Variants in GRM7 observed in about 807,000 individuals in gnomAD.
GRM7 encodes glutamate metabotropic receptor 7, also known as metabotropic glutamate receptor 7.
In GRM7, 35 loss-of-function variants were observed where a neutral mutation model predicts 84.5. The observed-to-expected ratio is 0.41, with a 90% CI of 0.32 to 0.55. GRM7 has a LOEUF of 0.55. GRM7 is among the 20% of genes least tolerant of loss of function. GRM7 has a pLI of 0.19. For missense variants in GRM7, 1,003 were observed against 1,194.6 expected (o/e 0.84, Z 2.36); for synonymous variants, 487 against 455.1 (o/e 1.07, Z -0.89).
At chr3:7,170,338 G>A (rs1001388218) in intron 2 of GRM7, among the ~76,000 whole-genome samples, 4 of 152,178 alleles carry the variant, frequency 2.6e-5, no homozygotes, top group Admixed American at 1.3e-4. Flanking sequence ...GTGGCCTGAT[G>A]ACTAAAGGGC....
At chr3:7,291,818 C>T (rs141606974) in intron 2 of GRM7, among the ~76,000 whole-genome samples, 4 of 152,226 alleles carry the variant, frequency 2.6e-5, no homozygotes, top group Non-Finnish European at 5.9e-5. Flanking sequence ...TGTGTTCCCA[C>T]CCAAATCTCC....
intron 7 of GRM7, among the ~76,000 whole-genome samples, chr3:7,529,833 T>G (rs1700958678): frequency 6.6e-6 from 1 of 151,700 alleles, no homozygotes; most frequent in South Asian, 2.1e-4. Flanking sequence ...CTCAAAAGAC[T>G]CAACCTGGGG....
intron 4 of GRM7, among the ~76,000 whole-genome samples, chr3:7,333,130 GC>G (rs1338570875): frequency 6.6e-6 from 1 of 152,088 alleles, no homozygotes; most frequent in Non-Finnish European, 1.5e-5. Context: ...TCCACTGCCT[GC>G]AACACCCTGG....
intron 4 of GRM7, among the ~76,000 whole-genome samples, chr3:7,310,347 T>C (rs1700347575): frequency 6.6e-6 from 1 of 152,206 alleles, no homozygotes; most frequent in Non-Finnish European, 1.5e-5. Context: ...GGACCCAGCA[T>C]TAAAGAGCTA....
At chr3:7,227,562 TAAA>T (rs1257634841) in intron 2 of GRM7, among the ~76,000 whole-genome samples, 3 of 152,134 alleles carry the variant, frequency 2.0e-5, no homozygotes, top group Non-Finnish European at 4.4e-5. Flanking sequence ...AAAATGGAAA[TAAA>T]AACACTGCCT....
At chr3:6,926,214 C>T (rs1697292666) in intron 1 of GRM7, among the ~76,000 whole-genome samples, 1 of 152,172 alleles carries the variant, frequency 6.6e-6, no homozygotes, top group South Asian at 2.1e-4. Context: ...CAGAATAGCT[C>T]ATTAGCTAAA....
chr3:7,543,229 A>G (rs942277617), intron 7 of GRM7, among the ~76,000 whole-genome samples: 11 of 152,214 alleles, frequency 7.2e-5, no homozygotes, highest in African/African-American at 2.4e-4. Flanking sequence ...TGCCTACTGC[A>G]AGGTACTTGA....
chr3:7,363,291 A>T (rs1348973273), intron 4 of GRM7, among the ~76,000 whole-genome samples: 1 of 152,026 alleles, frequency 6.6e-6, no homozygotes, highest in African/African-American at 2.4e-5. Context: ...CTTTAAGATG[A>T]TTTGTTCTGC....
intron 7 of GRM7, among the ~76,000 whole-genome samples, chr3:7,542,067 T>C (rs903357279): frequency 8.5e-5 from 13 of 152,150 alleles, no homozygotes; most frequent in African/African-American, 2.9e-4. Context: ...TTTTCTCTTT[T>C]TATGAGGACA....
chr3:6,999,470 C>T (rs892009258), intron 1 of GRM7, among the ~76,000 whole-genome samples: 2 of 152,164 alleles, frequency 1.3e-5, no homozygotes, highest in Admixed American at 1.3e-4. Context: ...CTGCCTGTTT[C>T]CCATTTCCAA....
intron 8 of GRM7, among the ~76,000 whole-genome samples, chr3:7,656,543 GCGCGCACACACACACACACA>G (rs1164378451): frequency 8.3e-6 from 1 of 119,890 alleles, no homozygotes; most frequent in Non-Finnish European, 1.8e-5. Flanking sequence ...ATATATACGC[GCGCGCACACACACACACACA>G]CACACACACA....
intron 4 of GRM7, among the ~76,000 whole-genome samples, chr3:7,379,487 G>A (rs553503274): frequency 6.6e-6 from 1 of 152,260 alleles, no homozygotes; most frequent in East Asian, 1.9e-4. Flanking sequence ...AATATCCTGA[G>A]CCTTAGTATG....
chr3:7,215,532 G>T (rs1327006598), intron 2 of GRM7, among the ~76,000 whole-genome samples: 1 of 151,996 alleles, frequency 6.6e-6, no homozygotes, highest in Non-Finnish European at 1.5e-5. Context: ...AGGCGTGGTG[G>T]TGGGCGCCTG....
At chr3:6,959,879 G>T (rs1247422794) in intron 1 of GRM7, among the ~76,000 whole-genome samples, 1 of 152,074 alleles carries the variant, frequency 6.6e-6, no homozygotes, top group African/African-American at 2.4e-5. Flanking sequence ...GTAACAAATG[G>T]AAACTCATGG....
intron 9 of GRM7, among the ~76,000 whole-genome samples, chr3:7,704,428 T>A (rs1177731174): frequency 6.6e-6 from 1 of 151,204 alleles, no homozygotes; most frequent in African/African-American, 2.4e-5. Context: ...TGATAAAAAG[T>A]TTGAGAGTAT....
chr3:7,306,620 T>A lies in GRM7; in HGVS notation c.1001T>A (p.Ile334Asn). Residue 334 changes from isoleucine to asparagine, a missense_variant, in exon 4 of 10, where the codon ATC becomes AAC. This residue lies in a region of GRM7 where 910 missense variants were observed against 1,126.0 expected (regional missense o/e 0.81). Transcript: ENST00000357716. ...CATGAAGATATCGCAGAAGGGGCCA[T>A]CACCATTCAGCCCAAGCGAGCCACG... is the stretch of plus-strand genomic sequence containing the variant. Reference protein sequence around the residue: ...HQHEDIAEGAITIQPKRATVE... With the variant: ...HQHEDIAEGANTIQPKRATVE... 1 of 1,611,768 alleles carries A rather than the reference T, an allele frequency of 6.2e-7. No individual in the cohort carries two copies. The highest frequency in any genetic ancestry group is 8.5e-7 in the Non-Finnish European group (1 of 1,178,862).
intron 1 of GRM7, among the ~76,000 whole-genome samples, chr3:7,091,769 G>T (rs1698673267): frequency 6.7e-6 from 1 of 149,456 alleles, no homozygotes. Context: ...GGTGCGGACT[G>T]AGTTTTAAAA....
rs33935857 is a variant in GRM7, at chr3:7,644,194, G to GTATATATA, written c.2452-35851_2452-35844dup. Among the ~76,000 whole-genome samples, 9 of 7,660 alleles carry GTATATATA rather than the reference G, an allele frequency of 1.2e-3. No individual in the cohort carries two copies. In the South Asian group the frequency reaches 0.033, roughly 28 times the overall value. 5.0% of individuals were successfully genotyped at this position (7,660 alleles called of 152,430 possible). ...TCTGTACATATATATATGTCTGTAC[G>GTATATATA]TATATATATATGTCTGTACATATAT... On this transcript the variant is annotated intron_variant, in intron 8 of 9. Transcript: ENST00000357716.
chr3:7,699,412 G>GAAC (rs1444257709), intron 9 of GRM7, among the ~76,000 whole-genome samples: 1 of 152,196 alleles, frequency 6.6e-6, no homozygotes, highest in Non-Finnish European at 1.5e-5. Context: ...CAGGGGATAT[G>GAAC]TATTTAGAGT....
Sources: gnomAD v4.1 joint callset for allele counts (sites outside exome capture counted in the v4.1 genomes callset) on GRCh38, gnomAD v4.1.1 for gene constraint, gnomAD v4.1.1 regional missense constraint, MANE v1.5 for transcripts, NCBI Gene and HGNC (gene_info 2026-07-23, HGNC 2026-07-21) for gene names.